The following ZHX3 variants were observed in gnomAD, a reference collection of about 807,000 sequenced individuals.
The protein encoded by ZHX3 is zinc fingers and homeoboxes 3.
ZHX3 carries 20 observed loss-of-function variants against 64.5 expected under a neutral mutation model. The observed-to-expected ratio is 0.31, with a 90% CI of 0.22 to 0.45. The LOEUF (loss-of-function observed/expected upper bound fraction) is 0.45, where lower values mean the gene tolerates loss of function less well. Among genes scored for constraint, ZHX3 ranks in the 20% least tolerant of loss-of-function variants. The probability of loss-of-function intolerance (pLI) is 1.00; values close to 1 mark genes in which losing one functional copy is unlikely to be tolerated. For missense variants in ZHX3, 1,041 were observed against 1,195.8 expected (o/e 0.87, Z 1.91); for synonymous variants, 423 against 461.6 (o/e 0.92, Z 1.07).
intron 1 of ZHX3, among the ~76,000 whole-genome samples, chr20:41,279,899 A>C (rs1373371659): frequency 6.6e-6 from 1 of 152,230 alleles, no homozygotes; most frequent in African/African-American, 2.4e-5. Context: ...AGCTGGATGT[A>C]GAAGTAGAAG....
intron 2 of ZHX3, among the ~76,000 whole-genome samples, chr20:41,265,894 C>T (rs1352046488): frequency 6.6e-6 from 1 of 152,234 alleles, no homozygotes; most frequent in African/African-American, 2.4e-5. Context: ...GTACAAATGT[C>T]TCTAGTCCAC....
intron 1 of ZHX3, among the ~76,000 whole-genome samples, chr20:41,275,924 T>C (rs2043357105): frequency 6.6e-6 from 1 of 152,160 alleles, no homozygotes; most frequent in Non-Finnish European, 1.5e-5. Flanking sequence ...AAAATAAATT[T>C]ATAAAAACAC....
intron 3 of ZHX3, among the ~76,000 whole-genome samples, chr20:41,186,578 C>T (rs535725217): frequency 1.2e-4 from 18 of 152,298 alleles, no homozygotes; most frequent in Admixed American, 7.8e-4. Flanking sequence ...AGTCGTTTCC[C>T]AAGGAGCTGT....
intron 3 of ZHX3, among the ~76,000 whole-genome samples, chr20:41,197,917 G>T (rs2037879677): frequency 6.6e-6 from 1 of 151,156 alleles, no homozygotes; most frequent in African/African-American, 2.4e-5. Flanking sequence ...AAATTATAAA[G>T]CACAAAGAGA....
At chr20:41,242,166 G>C (rs2041423724) in intron 2 of ZHX3, among the ~76,000 whole-genome samples, 1 of 152,062 alleles carries the variant, frequency 6.6e-6, no homozygotes, top group Non-Finnish European at 1.5e-5. Context: ...TAAAATTATA[G>C]GATGTCAGGC....
intron 1 of ZHX3, among the ~76,000 whole-genome samples, chr20:41,302,002 C>A (rs1056965728): frequency 7.2e-6 from 1 of 139,392 alleles, no homozygotes; most frequent in Non-Finnish European, 1.5e-5. Flanking sequence ...TGCAGTGAGC[C>A]GAGACTGCGC....
In ZHX3 at chr20:41,276,707, G is replaced by T. The variant is rs181197006; in HGVS notation, c.-244-7624C>A. Reference sequence around the variant, plus strand: ...CTTTGTGGTGGTCTTAGTTATAAGCGCCTGGAAACATGCCCTTAACTGCAG... The same window carrying T: ...CTTTGTGGTGGTCTTAGTTATAAGCTCCTGGAAACATGCCCTTAACTGCAG... On this transcript the variant is annotated intron_variant, in intron 1 of 3. Transcript: ENST00000683867. Among the ~76,000 whole-genome samples the T allele has an allele frequency of 3.5e-4, 54 of 152,242 alleles. 1 individual carries two copies. The East Asian group carries it at 4.8e-3, about 14-fold the overall frequency.
At position 41,252,423 on chromosome 20, in the gene ZHX3, C is replaced by T. The variant is rs192166039; in HGVS notation, c.-151+16567G>A. Among the ~76,000 whole-genome samples, 322 of 152,298 alleles carry T rather than the reference C, an allele frequency of 2.1e-3. 1 individual carries two copies. Among genetic ancestry groups the T allele is most frequent in the African/African-American group, 7.6e-3 (317 of 41,554 alleles). On this transcript the variant is annotated intron_variant, in intron 2 of 3. Transcript: ENST00000683867. ...AGCTAGTTCCTGTGTTTTCTTAATC[C>T]ATCACCTGAGACCATGTGAGTACGT...
chr20:41,311,756 G>T (rs551006849), intron 1 of ZHX3, among the ~76,000 whole-genome samples: 1 of 152,302 alleles, frequency 6.6e-6, no homozygotes, highest in Admixed American at 6.5e-5. Flanking sequence ...AAAAACAGAA[G>T]TGGTAATATA....
rs1041665670 is a variant in ZHX3 at position 41,200,156 on chromosome 20, C to A, written c.2860+1901G>T. ...TTGTAAGCCTCTCCATCAAGCTCTT[C>A]CCTGGATGTTGCAAGTGTTCAACTA... On this transcript the variant is annotated intron_variant, in intron 3 of 3. Coordinates refer to ENST00000683867, the MANE Select transcript of ZHX3 (RefSeq NM_001384317.1). This position sits in a 1 kb window ranked among gnomAD's most constrained non-coding sequence, Gnocchi z 4.2. Among the ~76,000 whole-genome samples the A allele has an allele frequency of 6.6e-6, 1 of 152,216 alleles. No homozygotes were observed. Among genetic ancestry groups the A allele is most frequent in the African/African-American group, 2.4e-5 (1 of 41,460 alleles).
Position 41,277,583 on chromosome 20 carries a change from A to C in ZHX3, c.-244-8500T>G, listed in dbSNP as rs536637890. Among the ~76,000 whole-genome samples the C allele has an allele frequency of 6.8e-5, 10 of 147,582 alleles. 1 individual carries two copies. The South Asian group carries it at 2.1e-3, about 31-fold the overall frequency. ...TCAAATTTCTCTTGCCCTACCCTCC[A>C]TGTTAATTTTTTTTTTCTTTTTTTT... On this transcript the variant is annotated intron_variant, in intron 1 of 3. Coordinates refer to ENST00000683867, the MANE Select transcript of ZHX3 (RefSeq NM_001384317.1).
chr20:41,220,868 T>C (rs536165805), intron 2 of ZHX3, among the ~76,000 whole-genome samples: 1 of 151,912 alleles, frequency 6.6e-6, no homozygotes, highest in East Asian at 1.9e-4. Context: ...TATTTTTTTT[T>C]TGTAGAGATG....
rs1268961739 is a variant in ZHX3, at chr20:41,182,166, C to T, written c.*3025G>A. 6.6e-6 allele frequency: 1 copy of T among 152,174 alleles called. No homozygotes were observed. Among genetic ancestry groups the T allele is most frequent in the Non-Finnish European group, 1.5e-5 (1 of 68,030 alleles). The allele number at this position is 152,174 out of a possible 1,614,324, so 9.4% of individuals were successfully genotyped here. On this transcript the variant is annotated 3_prime_UTR_variant, in exon 4 of 4. Coordinates refer to ENST00000683867, the MANE Select transcript of ZHX3 (RefSeq NM_001384317.1). The surrounding 1 kb of genome is among the most constrained non-coding windows in gnomAD (Gnocchi z 6.1). ...GATCATCTGGTTTCACCTTTGAGAA[C>T]TCGATCTACAACCCCATGTAAAAAA...
chr20:41,198,685 C>A lies in ZHX3; in HGVS notation c.2860+3372G>T, dbSNP rs532773008. ...TGTCTTGGTGTGGATCTGAGTTCAT[C>A]CTGCTTGGATTTTATTGAGCTTTTT... On this transcript the variant is annotated intron_variant, in intron 3 of 3. Transcript: ENST00000683867. Among the ~76,000 whole-genome samples the A allele has an allele frequency of 3.3e-5, 5 of 151,606 alleles. No individual in the cohort carries two copies. In the South Asian group the frequency reaches 1.0e-3, roughly 32 times the overall value.
At chr20:41,239,298 C>A (rs1326848436) in intron 2 of ZHX3, among the ~76,000 whole-genome samples, 1 of 151,966 alleles carries the variant, frequency 6.6e-6, no homozygotes, top group African/African-American at 2.4e-5. Flanking sequence ...CGTGAGCCAC[C>A]GTGCCTGGCC....
intron 2 of ZHX3, among the ~76,000 whole-genome samples, chr20:41,259,114 TC>T (rs1398362523): frequency 2.0e-5 from 3 of 152,210 alleles, no homozygotes; most frequent in Non-Finnish European, 4.4e-5. Flanking sequence ...GAACCTTTTT[TC>T]CTCTTTTAAT....
rs1600695366 is a variant in ZHX3 at position 41,185,475 on chromosome 20, C to T, written c.2861-274G>A. ...CTAGCAGCAGGAGCAGTGGTTTGGCCTCTCCAGGCCCACTAAATCCCCCTA... is the reference window on the plus strand; with the variant it reads ...CTAGCAGCAGGAGCAGTGGTTTGGCTTCTCCAGGCCCACTAAATCCCCCTA... On this transcript the variant is annotated intron_variant, in intron 3 of 3. Transcript: ENST00000683867. This position sits in a 1 kb window ranked among gnomAD's most constrained non-coding sequence, Gnocchi z 5.0. The T allele has an allele frequency of 2.0e-5, 11 of 552,712 alleles. No individual in the cohort carries two copies. The East Asian group carries it at 3.2e-4, about 16-fold the overall frequency. The allele number at this position is 552,712 out of a possible 1,614,324, so 34.2% of individuals were successfully genotyped here.
At chr20:41,300,183 G>T in intron 1 of ZHX3, 1 of 152,184 alleles carries the variant, frequency 6.6e-6, no homozygotes, top group East Asian at 1.9e-4. Context: ...CACAAAATAT[G>T]AGACACATGT....
intron 2 of ZHX3, among the ~76,000 whole-genome samples, chr20:41,256,013 C>A (rs1331300761): frequency 6.6e-6 from 1 of 152,124 alleles, no homozygotes; most frequent in Non-Finnish European, 1.5e-5. Flanking sequence ...AATGCTACTT[C>A]AAAATTATGT....
Sources: gnomAD v4.1 joint callset for allele counts (sites outside exome capture counted in the v4.1 genomes callset) on GRCh38, gnomAD v4.1.1 for gene constraint, Gnocchi (gnomAD v3.1) non-coding constraint, MANE v1.5 for transcripts, NCBI Gene and HGNC (gene_info 2026-07-23, HGNC 2026-07-21) for gene names.